Variants in ADGRV1 observed in about 807,000 individuals in gnomAD.
ADGRV1 encodes adhesion G protein-coupled receptor V1, also known as G-protein coupled receptor 98.
ADGRV1 carries 359 observed loss-of-function variants against 596.2 expected under a neutral mutation model. The observed-to-expected ratio is 0.60, with a 90% CI of 0.55 to 0.66. The LOEUF is 0.66. ADGRV1 is among the 30% of genes least tolerant of loss of function. The pLI, the probability that ADGRV1 is intolerant of heterozygous loss-of-function variation, is 0.00. For missense variants in ADGRV1, 7,274 were observed against 7,575.6 expected, an observed-to-expected ratio of 0.96 and a Z score of 1.48; for synonymous variants, 2,681 against 2,679.2, an observed-to-expected ratio of 1.00 and a Z score of -0.02.
intron 11 of ADGRV1, 85 bp downstream of exon 11, chr5:90,638,033 T>C: frequency 1.0e-6 from 1 of 980,298 alleles, no homozygotes; most frequent in Non-Finnish European, 1.5e-6. Flanking sequence ...CTCTTTTTTT[T>C]CTATATAAAG....
chr5:90,568,478 C>T (rs1433867759), intron 1 of ADGRV1, among the ~76,000 whole-genome samples: 1 of 151,948 alleles, frequency 6.6e-6, no homozygotes, highest in East Asian at 1.9e-4. Flanking sequence ...GGAGAATATA[C>T]TTTGTATGAT....
chr5:90,915,371 G>T (rs1167833410), intron 83 of ADGRV1, among the ~76,000 whole-genome samples: 2 of 152,128 alleles, frequency 1.3e-5, no homozygotes, highest in African/African-American at 4.8e-5. Flanking sequence ...AGAATGACTG[G>T]ATTTTGACTT....
intron 21 of ADGRV1, among the ~76,000 whole-genome samples, chr5:90,666,740 G>A (rs1018184081): frequency 4.8e-4 from 72 of 151,390 alleles, no homozygotes; most frequent in African/African-American, 1.4e-3. Context: ...ATTTTGCAGC[G>A]GCTGGTACCG....
At chr5:90,691,384 CTT>C (rs34426784) in intron 31 of ADGRV1, among the ~76,000 whole-genome samples, 29 of 123,432 alleles carry the variant, frequency 2.3e-4, no homozygotes, top group African/African-American at 4.4e-4. Context: ...AAACTTTTTT[CTT>C]TTTTTTTTTT....
At chr5:91,130,523 A>AG (rs1491091459) in intron 87 of ADGRV1, among the ~76,000 whole-genome samples, 1 of 6,978 alleles carries the variant, frequency 1.4e-4, no homozygotes, top group Non-Finnish European at 1.5e-3. Flanking sequence ...ACTCCATCTC[A>AG]AAAAAAAAAA....
At chr5:91,013,951 A>G (rs1223653888) in intron 85 of ADGRV1, among the ~76,000 whole-genome samples, 14 of 151,892 alleles carry the variant, frequency 9.2e-5, no homozygotes, top group Admixed American at 9.2e-4. Flanking sequence ...AGCACCATTT[A>G]TTGAATAGGG....
At chr5:90,736,491 A>T (rs1246224721) in intron 50 of ADGRV1, among the ~76,000 whole-genome samples, 6 of 151,980 alleles carry the variant, frequency 3.9e-5, no homozygotes, top group African/African-American at 1.2e-4. Flanking sequence ...ATGTAAAATG[A>T]ATTTGGAATT....
At chr5:91,004,205 G>A (rs1383413615) in intron 85 of ADGRV1, among the ~76,000 whole-genome samples, 2 of 152,112 alleles carry the variant, frequency 1.3e-5, no homozygotes, top group African/African-American at 2.4e-5. Context: ...GCATCTAGGT[G>A]TTCTAAGTAA....
chr5:90,978,167 C>T (rs548579699), intron 84 of ADGRV1, among the ~76,000 whole-genome samples: 5 of 151,964 alleles, frequency 3.3e-5, no homozygotes, highest in African/African-American at 9.6e-5. Flanking sequence ...TGGTGGCAGG[C>T]GCCTGTAGTC....
chr5:90,836,258 T>C (rs758855506), intron 77 of ADGRV1, among the ~76,000 whole-genome samples: 20 of 152,314 alleles, frequency 1.3e-4, no homozygotes, highest in Admixed American at 7.2e-4. Flanking sequence ...TGAAAACTTA[T>C]GTTCACACAA....
In ADGRV1 at chr5:91,044,613, C is replaced by T. The variant is rs139122566; in HGVS notation, c.18153-27834C>T. ...TGGGTTAAGTAAAAATGGAGAATGT[C>T]AGTAAAATGGAAGACCTCCTAACCC... On this transcript the variant is annotated intron_variant, in intron 85 of 89. Transcript: ENST00000405460. Among the ~76,000 whole-genome samples, 639 of 152,220 alleles carry T rather than the reference C, an allele frequency of 4.2e-3. 4 individuals carry two copies. The highest frequency in any genetic ancestry group is 0.014 in the Middle Eastern group (4 of 292).
chr5:90,913,678 A>G (rs934040990), intron 83 of ADGRV1, among the ~76,000 whole-genome samples: 4 of 152,178 alleles, frequency 2.6e-5, no homozygotes, highest in Non-Finnish European at 5.9e-5. Context: ...ATCATAACTC[A>G]TGCTTCTCTT....
At chr5:91,085,790 A>G (rs1582011255) in intron 86 of ADGRV1, among the ~76,000 whole-genome samples, 1 of 152,178 alleles carries the variant, frequency 6.6e-6, no homozygotes, top group South Asian at 2.1e-4. Context: ...TACACTGCCT[A>G]GAAGAGCTTA....
At chr5:90,717,766 A>C (rs1048541882) in intron 43 of ADGRV1, 1 of 152,094 alleles carries the variant, frequency 6.6e-6, no homozygotes, top group African/African-American at 2.4e-5. Flanking sequence ...CAGCCTCCCA[A>C]AGTGCTGGGA....
At chr5:91,086,734 C>T (rs1243344658) in intron 86 of ADGRV1, among the ~76,000 whole-genome samples, 1 of 152,164 alleles carries the variant, frequency 6.6e-6, no homozygotes, top group Non-Finnish European at 1.5e-5. Flanking sequence ...CATTCCCCTA[C>T]CTCAGGCCTT....
chr5:90,813,261 C>A (rs1191192803), intron 74 of ADGRV1, among the ~76,000 whole-genome samples: 1 of 140,298 alleles, frequency 7.1e-6, no homozygotes, highest in Non-Finnish European at 1.5e-5. Context: ...AGTAAAAATA[C>A]TTAACAATTA....
intron 14 of ADGRV1, among the ~76,000 whole-genome samples, 184 bp downstream of exon 14, chr5:90,644,167 G>T (rs559982879): frequency 6.6e-6 from 1 of 152,008 alleles, no homozygotes; most frequent in Non-Finnish European, 1.5e-5. Flanking sequence ...ACATAGTATC[G>T]TGATGATACT....
At chr5:91,118,382 AC>A (rs1244514321) in intron 87 of ADGRV1, among the ~76,000 whole-genome samples, 1 of 151,982 alleles carries the variant, frequency 6.6e-6, no homozygotes, top group African/African-American at 2.4e-5. Context: ...AAAAAAAAAA[AC>A]TTCCAAAAAA....
At chr5:90,969,453 A>G (rs1049471128) in intron 84 of ADGRV1, among the ~76,000 whole-genome samples, 3 of 152,222 alleles carry the variant, frequency 2.0e-5, no homozygotes, top group African/African-American at 7.2e-5. Flanking sequence ...AGCCTTAGCA[A>G]GCTGGAGAAC....
Sources: gnomAD v4.1 joint callset for allele counts (sites outside exome capture counted in the v4.1 genomes callset) on GRCh38, gnomAD v4.1.1 for gene constraint, MANE v1.5 for transcripts, NCBI Gene and HGNC (gene_info 2026-07-23, HGNC 2026-07-21) for gene names.